SLC22A12: variants seen among roughly 807,000 people sequenced by gnomAD.
The protein encoded by SLC22A12 is organic anion transporter 4-like protein.
A neutral mutation model predicts 52.7 loss-of-function variants in SLC22A12; 56 were observed. That is an observed-to-expected ratio of 1.06 (90% CI 0.86 to 1.33). The LOEUF is 1.33. SLC22A12 is among the 40% of genes most tolerant of loss of function. The pLI is 0.00. For missense variants in SLC22A12, 683 were observed against 741.5 expected, an observed-to-expected ratio of 0.92 and a Z score of 0.92; for synonymous variants, 337 against 324.6, an observed-to-expected ratio of 1.04 and a Z score of -0.41.
In SLC22A12 at chr11:64,593,413, G is replaced by A. The variant is rs1029987786; in HGVS notation, c.515G>A (p.Arg172His). The change falls in exon 3 of 10, where the codon CGC becomes CAC. Residue 172 changes from arginine (R) to histidine (H), a missense_variant. Physicochemically the swap from Arg to His is conservative, Grantham distance 29. Coordinates refer to ENST00000377574, the MANE Select transcript of SLC22A12 (RefSeq NM_144585.4). ...CCTGGTTTGTGCCGCAGGTTTGGGC[G>A]CAGGCTGGTGCTAACCTGGAGCTAC... is the stretch of plus-strand genomic sequence containing the variant. The part of the protein sequence containing the change: ...ACGPASDRFG[R>H]RLVLTWSYLQ... 9 of 1,613,992 alleles carry A rather than the reference G, an allele frequency of 5.6e-6. No individual in the cohort carries two copies. Among genetic ancestry groups the A allele is most frequent in the Admixed American group, 3.3e-5 (2 of 60,016 alleles).
At chr11:64,597,600 T>C (rs564436857) in intron 4 of SLC22A12, among the ~76,000 whole-genome samples, 1 of 152,088 alleles carries the variant, frequency 6.6e-6, no homozygotes, top group Non-Finnish European at 1.5e-5. Flanking sequence ...AATCTCCACT[T>C]CTCCCCTCTG....
chr11:64,595,695 G>T (rs577487367), intron 4 of SLC22A12, among the ~76,000 whole-genome samples: 194 of 149,058 alleles, frequency 1.3e-3, no homozygotes, highest in African/African-American at 4.5e-3. Context: ...TGGATGGTTG[G>T]AATAGATGGA....
intron 4 of SLC22A12, 81 bp downstream of exon 4, chr11:64,593,884 C>A: frequency 6.5e-7 from 1 of 1,541,520 alleles, no homozygotes. Flanking sequence ...TCTCCTTTCC[C>A]TGGGGGCTGG....
rs1007881350 is a variant in SLC22A12, at chr11:64,593,479, CT to C, written c.582del (p.Ala195ProfsTer20). The C allele has an allele frequency of 5.6e-6, 9 of 1,614,050 alleles. No individual in the cohort carries two copies. The African/African-American group carries it at 9.3e-5, about 17-fold the overall frequency. On this transcript the variant is annotated frameshift_variant, in exon 3 of 10. Transcript: ENST00000377574. LOFTEE classifies it high-confidence loss of function. ...ATGGGTACGGCAGCTGCCTTCGCCC[CT>C]GCCTTCCCCGTGTACTGCCTGTTCC... ...AVMGTAAAFA[P>X]AFPVYCLFRF... is the part of the protein sequence containing the mutation.
At chr11:64,599,595 C>CCCCCGCCCCTTGTT in intron 6 of SLC22A12, 81 bp from the exon 7 acceptor site, 1 of 692,660 alleles carries the variant, frequency 1.4e-6, no homozygotes, top group Non-Finnish European at 2.1e-6. Context: ...CCCTGAGCCC[C>CCCCCGCCCCTTGTT]CACCGCCCAT....
Position 64,601,830 on chromosome 11 carries a change from G to A in SLC22A12, c.*279G>A. The A allele has an allele frequency of 4.5e-6, 2 of 448,372 alleles. No individual in the cohort carries two copies. The highest frequency in any genetic ancestry group is 8.3e-6 in the Non-Finnish European group (2 of 241,662). 27.8% of individuals were successfully genotyped at this position (448,372 alleles called of 1,614,324 possible). ...GCCCTCGTGGCTTCGGAGAGCAGAG[G>A]GGTCAGGCCCAGGGGAACGAGCTGG... On this transcript the variant is annotated 3_prime_UTR_variant, in exon 10 of 10. Coordinates refer to ENST00000377574, the MANE Select transcript of SLC22A12 (RefSeq NM_144585.4).
At chr11:64,592,187 G>A (rs780066465) in intron 1 of SLC22A12, among the ~76,000 whole-genome samples, 2 of 152,154 alleles carry the variant, frequency 1.3e-5, no homozygotes, top group East Asian at 1.9e-4. Context: ...GCACCTGGGC[G>A]GGCACCTCTA....
intron 4 of SLC22A12, 125 bp downstream of exon 4, chr11:64,593,928 G>A: frequency 7.3e-7 from 1 of 1,374,308 alleles, no homozygotes; most frequent in Non-Finnish European, 1.0e-6. Context: ...ATGGGCTGGA[G>A]GAAAGCCAGG....
At chr11:64,595,346 GTTGA>G (rs1413723345) in intron 4 of SLC22A12, among the ~76,000 whole-genome samples, 3 of 93,728 alleles carry the variant, frequency 3.2e-5, no homozygotes, top group African/African-American at 7.9e-5. Flanking sequence ...TGAATGGATG[GTTGA>G]ATGGATGGAT....
At chr11:64,599,981 G>T in intron 7 of SLC22A12, 91 bp downstream of exon 7, 1 of 1,462,290 alleles carries the variant, frequency 6.8e-7, no homozygotes, top group South Asian at 1.2e-5. Context: ...TGCTGGACTA[G>T]AGCAGGTACC....
chr11:64,601,368 C>T, intron 9 of SLC22A12, 120 bp from the exon 10 acceptor site: 1 of 995,664 alleles, frequency 1.0e-6, no homozygotes, highest in Non-Finnish European at 1.6e-6. Flanking sequence ...CTCGGGAGCT[C>T]AGTTCTGGGC....
At chr11:64,592,443 G>A (rs901704779) in intron 1 of SLC22A12, among the ~76,000 whole-genome samples, 1 of 152,176 alleles carries the variant, frequency 6.6e-6, no homozygotes, top group Non-Finnish European at 1.5e-5. Flanking sequence ...TAAAGAACAG[G>A]AGGGAAGCAA....
At chr11:64,598,957 G>A in intron 6 of SLC22A12, 34 bp downstream of exon 6, 1 of 1,609,324 alleles carries the variant, frequency 6.2e-7, no homozygotes, top group Non-Finnish European at 8.5e-7. Context: ...ACCTCCACAG[G>A]GGAACCTGGA....
intron 6 of SLC22A12, 67 bp from the exon 7 acceptor site, chr11:64,599,609 T>TTCCA: frequency 9.0e-6 from 2 of 221,468 alleles, no homozygotes; most frequent in Non-Finnish European, 8.1e-6. Flanking sequence ...CGCCCATTGT[T>TTCCA]CCCACCCTGC....
chr11:64,593,862 G>A, intron 4 of SLC22A12, 59 bp downstream of exon 4: 1 of 1,571,266 alleles, frequency 6.4e-7, no homozygotes, highest in Non-Finnish European at 8.6e-7. Context: ...TCCACCCGGG[G>A]GAATGGGAGA....
chr11:64,599,963 C>A, intron 7 of SLC22A12, 73 bp downstream of exon 7: 1 of 1,512,142 alleles, frequency 6.6e-7, no homozygotes, highest in Non-Finnish European at 9.0e-7. Context: ...AGCACCCCTC[C>A]TTGGAGGTGC....
At chr11:64,595,016 T>TGGAC in intron 4 of SLC22A12, among the ~76,000 whole-genome samples, 1 of 95,670 alleles carries the variant, frequency 1.0e-5, no homozygotes, top group Non-Finnish European at 2.3e-5. Context: ...GATGGATGGA[T>TGGAC]GGATGGTTGG....
Position 64,591,646 on chromosome 11 carries a change from G to T in SLC22A12, c.90G>T (p.Trp30Cys). 6.2e-7 allele frequency: 1 copy of T among 1,613,120 alleles called. No homozygotes were observed. ...TGGCTCTGATGGTCTCCATCATGTG[G>T]CTGTGTACCCAGAGCATGCTGGAGA... Reference protein sequence around the residue: ...QTMALMVSIMWLCTQSMLENF... With the variant: ...QTMALMVSIMCLCTQSMLENF... Residue 30 changes from tryptophan to cysteine, a missense_variant, in exon 1 of 10, where the codon TGG becomes TGT. Transcript: ENST00000377574.
rs78160447 is a variant in SLC22A12 at position 64,597,784 on chromosome 11, C to T, written c.831-732C>T. Among the ~76,000 whole-genome samples the T allele has an allele frequency of 2.2e-4, 34 of 152,190 alleles. No homozygotes were observed. The East Asian group carries it at 5.6e-3, about 25-fold the overall frequency. Reference sequence around the variant, plus strand: ...CAGGCGCTCAGCAGGCGGGGCGGGACGGTGTGGCATAAGCTCGGTTTGACA... The same window carrying T: ...CAGGCGCTCAGCAGGCGGGGCGGGATGGTGTGGCATAAGCTCGGTTTGACA... On this transcript the variant is annotated intron_variant, in intron 4 of 9. Coordinates refer to ENST00000377574, the MANE Select transcript of SLC22A12 (RefSeq NM_144585.4).
Sources: allele counts gnomAD v4.1 joint callset (sites outside exome capture counted in the v4.1 genomes callset), GRCh38; gene constraint gnomAD v4.1.1; transcripts MANE v1.5; gene names NCBI Gene and HGNC (gene_info 2026-07-23, HGNC 2026-07-21).